The following KIF1B variants were observed in gnomAD, a reference collection of about 807,000 sequenced individuals.
KIF1B encodes the protein kinesin family member 1B.
A neutral mutation model predicts 241.9 loss-of-function variants in KIF1B; 76 were observed. That is an observed-to-expected ratio of 0.31 (90% CI 0.26 to 0.38). The LOEUF (loss-of-function observed/expected upper bound fraction) is 0.38. KIF1B is among the 10% of genes least tolerant of loss of function. The pLI is 1.00. For missense variants in KIF1B, 1,622 were observed against 2,271.4 expected, an observed-to-expected ratio of 0.71 and a Z score of 5.81; for synonymous variants, 750 against 796.7, an observed-to-expected ratio of 0.94 and a Z score of 0.99.
intron 38 of KIF1B, among the ~76,000 whole-genome samples, chr1:10,353,381 G>A (rs1189584938): frequency 6.6e-6 from 1 of 152,126 alleles, no homozygotes; most frequent in Non-Finnish European, 1.5e-5. Flanking sequence ...CAGACAGTTC[G>A]TAAAGTACAT....
chr1:10,371,605 T>C (rs1170027231), intron 45 of KIF1B, among the ~76,000 whole-genome samples: 2 of 152,104 alleles, frequency 1.3e-5, no homozygotes, highest in African/African-American at 4.8e-5. Context: ...TGAAACTGTT[T>C]TGGAAAAAAA....
At chr1:10,215,360 A>G (rs2027328) in intron 1 of KIF1B, among the ~76,000 whole-genome samples, 57,971 of 149,384 alleles carry the variant, frequency 0.39, 11,479 homozygotes, top group African/African-American at 0.47. Flanking sequence ...ATTTTTAGTA[A>G]AGTAGGGGTT....
At chr1:10,227,032 C>CT (rs747870005) in intron 1 of KIF1B, among the ~76,000 whole-genome samples, 7,968 of 112,508 alleles carry the variant, frequency 0.071, 673 homozygotes, top group African/African-American at 0.17. Flanking sequence ...GCAAGTCTCT[C>CT]TTTTTTTTTT....
Position 10,369,958 on chromosome 1 carries a change from C to A in KIF1B, c.4825-1183C>A, listed in dbSNP as rs553771568. Among the ~76,000 whole-genome samples the A allele has an allele frequency of 7.7e-4, 115 of 149,994 alleles. 2 individuals carry two copies. Among genetic ancestry groups the A allele is most frequent in the South Asian group, 2.3e-3 (11 of 4,742 alleles). ...AAAAAGAAAACAAAAAACAAAAAAA[C>A]CCCCAAAATAATGGGCCAGGCATGG... On this transcript the variant is annotated intron_variant, in intron 44 of 48. Transcript: ENST00000676179.
At chr1:10,251,575 A>G (rs1194531558) in intron 2 of KIF1B, among the ~76,000 whole-genome samples, 2 of 151,976 alleles carry the variant, frequency 1.3e-5, no homozygotes, top group Non-Finnish European at 2.9e-5. Context: ...TCTCTACTAG[A>G]CATACAAAAT....
chr1:10,339,926 A>G, intron 32 of KIF1B, 67 bp downstream of exon 32: 1 of 1,315,054 alleles, frequency 7.6e-7, no homozygotes, highest in Non-Finnish European at 1.1e-6. Context: ...CAGCCCGGGA[A>G]GGGTGATAAG....
In KIF1B at chr1:10,333,153, C is replaced by T. The variant is rs562615906; in HGVS notation, c.2925-1367C>T. Among the ~76,000 whole-genome samples, 72 of 150,762 alleles carry T rather than the reference C, an allele frequency of 4.8e-4. 1 individual carries two copies. The highest frequency in any genetic ancestry group is 1.5e-3 in the African/African-American group (62 of 41,218). On this transcript the variant is annotated intron_variant, in intron 27 of 48. Coordinates refer to ENST00000676179, the MANE Select transcript of KIF1B (RefSeq NM_001365951.3). ...TAAAGTAACAATAAATGGCCAGGCACGGTGGCTCACGCCTGTAATCCCAGC... is the reference window on the plus strand; with the variant it reads ...TAAAGTAACAATAAATGGCCAGGCATGGTGGCTCACGCCTGTAATCCCAGC...
At chr1:10,322,611 G>T (rs1044461094) in intron 24 of KIF1B, among the ~76,000 whole-genome samples, 3 of 152,178 alleles carry the variant, frequency 2.0e-5, no homozygotes, top group African/African-American at 7.2e-5. Context: ...GTAGGTAAGA[G>T]CATGGACCAC....
chr1:10,248,934 G>T (rs1375945943), intron 2 of KIF1B, among the ~76,000 whole-genome samples: 2 of 152,166 alleles, frequency 1.3e-5, no homozygotes, highest in Non-Finnish European at 1.5e-5. Context: ...CACAGAAGCT[G>T]TAAAAGAGGC....
At chr1:10,312,288 C>T (rs1283052784) in intron 22 of KIF1B, among the ~76,000 whole-genome samples, 1 of 151,504 alleles carries the variant, frequency 6.6e-6, no homozygotes, top group South Asian at 2.1e-4. Flanking sequence ...GTTTGCTCTC[C>T]CTGTAAAACA....
At chr1:10,323,506 C>A (rs1164192450) in intron 24 of KIF1B, among the ~76,000 whole-genome samples, 1 of 152,040 alleles carries the variant, frequency 6.6e-6, no homozygotes, top group Non-Finnish European at 1.5e-5. Flanking sequence ...CCTGTAGTCC[C>A]AGGTACTCAG....
intron 2 of KIF1B, among the ~76,000 whole-genome samples, chr1:10,245,809 T>C (rs1647202132): frequency 6.6e-6 from 1 of 152,164 alleles, no homozygotes; most frequent in South Asian, 2.1e-4. Context: ...ATGATAATCA[T>C]TGTAATAAAG....
chr1:10,248,224 C>G (rs1261991244), intron 2 of KIF1B, among the ~76,000 whole-genome samples: 2 of 151,970 alleles, frequency 1.3e-5, no homozygotes, highest in Non-Finnish European at 2.9e-5. Flanking sequence ...GAGACAGGGT[C>G]TCGTTATGTT....
chr1:10,256,470 G>A (rs1647787390), intron 3 of KIF1B, 147 bp downstream of exon 3: 1 of 685,246 alleles, frequency 1.5e-6, no homozygotes. Context: ...CAGTGATATA[G>A]TATTTTCATT....
intron 10 of KIF1B, among the ~76,000 whole-genome samples, chr1:10,274,353 T>A (rs573904021): frequency 6.6e-6 from 1 of 152,330 alleles, no homozygotes; most frequent in Admixed American, 6.5e-5. Context: ...TATAATTTTT[T>A]TTCATTTAAG....
At chr1:10,335,822 C>T (rs1652146997) in intron 28 of KIF1B, among the ~76,000 whole-genome samples, 1 of 149,262 alleles carries the variant, frequency 6.7e-6, no homozygotes, top group African/African-American at 2.5e-5. Flanking sequence ...AGTGAGACCC[C>T]ATCTCTTAAA....
intron 7 of KIF1B, 23 bp from the exon 8 acceptor site, chr1:10,271,479 C>T (rs781276598): frequency 6.4e-7 from 1 of 1,555,728 alleles, no homozygotes; most frequent in Non-Finnish European, 8.9e-7. Flanking sequence ...TTGAATTGCC[C>T]CCATGTTATT....
At position 10,245,329 on chromosome 1, in the gene KIF1B, AAG is replaced by A. The variant is rs1428867619; in HGVS notation, c.107-10914_107-10913del. Among the ~76,000 whole-genome samples, 4 of 152,356 alleles carry A rather than the reference AAG, an allele frequency of 2.6e-5. No individual in the cohort carries two copies. The East Asian group carries it at 7.7e-4, about 29-fold the overall frequency. ...GTCTTAACTTGAAACTTCTTCAAGA[AAG>A]AGAAGATGGTCAGTTGTGGTTCATC... On this transcript the variant is annotated intron_variant, in intron 2 of 48. Transcript: ENST00000676179.
chr1:10,214,720 C>T lies in KIF1B; in HGVS notation c.-80+3842C>T, dbSNP rs547562077. 6.1e-5 allele frequency among the ~76,000 whole-genome samples: 9 copies of T among 148,748 alleles called. No individual in the cohort carries two copies. The South Asian group carries it at 2.0e-3, about 32-fold the overall frequency. The stretch of plus-strand genomic sequence containing the variant: ...GCCTCAGCCTCCCGAGCAGCTGGGA[C>T]TACAGGTGCACACCACCATGCCCAG... On this transcript the variant is annotated intron_variant, in intron 1 of 48. Coordinates refer to ENST00000676179, the MANE Select transcript of KIF1B (RefSeq NM_001365951.3).
Sources: gnomAD v4.1 joint callset for allele counts (sites outside exome capture counted in the v4.1 genomes callset) on GRCh38, gnomAD v4.1.1 for gene constraint, MANE v1.5 for transcripts, NCBI Gene and HGNC (gene_info 2026-07-23, HGNC 2026-07-21) for gene names.